The following SYNPR variants were observed in gnomAD, a reference collection of about 807,000 sequenced individuals.
The protein encoded by SYNPR is synaptoporin.
SYNPR carries 23 observed loss-of-function variants against 32.9 expected under a neutral mutation model. That is an observed-to-expected ratio of 0.70 (90% CI 0.50 to 0.99). The LOEUF (loss-of-function observed/expected upper bound fraction) is 0.99, where lower values mean the gene tolerates loss of function less well. SYNPR is among the 50% of genes least tolerant of loss of function. SYNPR has a pLI of 0.00. For missense variants in SYNPR, 318 were observed against 349.3 expected, an observed-to-expected ratio of 0.91 and a Z score of 0.71; for synonymous variants, 146 against 135.9, an observed-to-expected ratio of 1.07 and a Z score of -0.52.
In SYNPR at chr3:63,519,459, C is replaced by A. The variant is rs75194488; in HGVS notation, c.210-37084C>A. Among the ~76,000 whole-genome samples, 831 of 152,198 alleles carry A rather than the reference C, an allele frequency of 5.5e-3. 11 individuals are homozygous for A. Among genetic ancestry groups the A allele is most frequent in the East Asian group, 0.033 (170 of 5,162 alleles). On this transcript the variant is annotated intron_variant, in intron 3 of 5. Coordinates refer to ENST00000478300, the MANE Select transcript of SYNPR (RefSeq NM_001130003.2). Reference sequence around the variant, plus strand: ...GAATTCTTCTTTTGTTCCCTGAGTTCCCTTCTTCGTGAGCAGAGCAGAGCT... The same window carrying A: ...GAATTCTTCTTTTGTTCCCTGAGTTACCTTCTTCGTGAGCAGAGCAGAGCT...
chr3:63,209,664 T>A, the SYNPR span, among the ~76,000 whole-genome samples: 1 of 152,192 alleles, frequency 6.6e-6, no homozygotes, highest in Non-Finnish European at 1.5e-5. Context: ...CTATTCTCCC[T>A]CTCCCTATTT....
intron 2 of SYNPR, among the ~76,000 whole-genome samples, chr3:63,335,233 GTCC>G (rs1233864531): frequency 6.6e-6 from 1 of 151,706 alleles, no homozygotes; most frequent in Non-Finnish European, 1.5e-5. Flanking sequence ...GGTGCCTGTA[GTCC>G]CAGCTACTCG....
chr3:63,354,277 G>A (rs959757395), intron 2 of SYNPR, among the ~76,000 whole-genome samples: 5 of 152,174 alleles, frequency 3.3e-5, no homozygotes, highest in African/African-American at 1.2e-4. Context: ...GGCTGGCTCT[G>A]TAAAGCAAAC....
At chr3:63,365,438 C>G (rs1575611633) in intron 2 of SYNPR, among the ~76,000 whole-genome samples, 1 of 152,218 alleles carries the variant, frequency 6.6e-6, no homozygotes, top group East Asian at 1.9e-4. Flanking sequence ...AGCACTATTG[C>G]TATGATCTGT....
chr3:63,265,031 C>G (rs548078800), intron 2 of SYNPR, among the ~76,000 whole-genome samples: 1 of 152,146 alleles, frequency 6.6e-6, no homozygotes, highest in South Asian at 2.1e-4. Context: ...AACCATATCA[C>G]TCAGTTCTAC....
At chr3:63,204,753 G>A in the SYNPR span, among the ~76,000 whole-genome samples, 1 of 151,986 alleles carries the variant, frequency 6.6e-6, no homozygotes, top group South Asian at 2.1e-4. Flanking sequence ...GCACAGTCTA[G>A]ACTCACTGCA....
Position 63,278,425 on chromosome 3 carries a change from G to C in SYNPR, c.-109G>C, listed in dbSNP as rs1478890090. ...CCTCGCCGGGCTGCTCCAGGGTGTC[G>C]CTCCTCTGGCTGCTCCCGAAGGGGC... On this transcript the variant is annotated 5_prime_UTR_variant, in exon 1 of 6. Coordinates refer to ENST00000478300, the MANE Select transcript of SYNPR (RefSeq NM_001130003.2). 7.2e-7 allele frequency: 1 copy of C among 1,390,640 alleles called. No individual in the cohort carries two copies. The highest frequency in any genetic ancestry group is 9.6e-7 in the Non-Finnish European group (1 of 1,041,698). The allele number at this position is 1,390,640 out of a possible 1,614,324, so 86.1% of individuals were successfully genotyped here.
chr3:63,222,922 C>G, the SYNPR span, among the ~76,000 whole-genome samples: 3 of 152,092 alleles, frequency 2.0e-5, no homozygotes, highest in East Asian at 1.9e-4. Context: ...ATTTGTAACA[C>G]CCCCCAAATC....
chr3:63,240,558 G>T (rs1358808354), intron 1 of SYNPR, among the ~76,000 whole-genome samples: 2 of 152,054 alleles, frequency 1.3e-5, no homozygotes, highest in Non-Finnish European at 2.9e-5. Context: ...TATGTCTGGA[G>T]GTGGGGGAGT....
At chr3:63,515,023 G>C (rs1322057620) in intron 3 of SYNPR, among the ~76,000 whole-genome samples, 1 of 152,088 alleles carries the variant, frequency 6.6e-6, no homozygotes, top group Non-Finnish European at 1.5e-5. Flanking sequence ...AGGGTCATGG[G>C]AATTATAATA....
intron 2 of SYNPR, chr3:63,289,578 C>T (rs2086718771): frequency 1.3e-5 from 2 of 152,178 alleles, no homozygotes; most frequent in African/African-American, 4.8e-5. Flanking sequence ...TCACACACCC[C>T]TCCCCTAGGG....
chr3:63,492,942 C>T (rs1485422307), intron 3 of SYNPR, among the ~76,000 whole-genome samples: 1 of 152,092 alleles, frequency 6.6e-6, no homozygotes, highest in African/African-American at 2.4e-5. Context: ...GTGACAGCCT[C>T]GGAATGGCAG....
At chr3:63,251,853 A>G (rs1015403026) in intron 1 of SYNPR, among the ~76,000 whole-genome samples, 15 of 151,950 alleles carry the variant, frequency 9.9e-5, no homozygotes, top group African/African-American at 3.4e-4. Flanking sequence ...GACAAATGCC[A>G]TGAAGGAAAA....
chr3:63,292,408 C>A (rs948689337), intron 2 of SYNPR, among the ~76,000 whole-genome samples: 1 of 152,120 alleles, frequency 6.6e-6, no homozygotes, highest in African/African-American at 2.4e-5. Context: ...AATAAATTGT[C>A]ATTTATTATA....
chr3:63,548,751 T>C (rs1702454431), intron 3 of SYNPR, among the ~76,000 whole-genome samples: 1 of 152,134 alleles, frequency 6.6e-6, no homozygotes, highest in African/African-American at 2.4e-5. Flanking sequence ...GAATTCCAGC[T>C]ACCAGAAATT....
chr3:63,481,451 ATG>A (rs71631157), intron 3 of SYNPR, among the ~76,000 whole-genome samples: 31 of 147,196 alleles, frequency 2.1e-4, no homozygotes, highest in South Asian at 6.5e-4. Flanking sequence ...ATATATATAT[ATG>A]TGTGTGTGTG....
intron 4 of SYNPR, among the ~76,000 whole-genome samples, chr3:63,594,875 A>G (rs1699905921): frequency 6.6e-6 from 1 of 152,148 alleles, no homozygotes; most frequent in Non-Finnish European, 1.5e-5. Flanking sequence ...GGCTATGACA[A>G]TATTGAAAAT....
chr3:63,307,705 T>C (rs2086921619), intron 2 of SYNPR, among the ~76,000 whole-genome samples: 1 of 152,030 alleles, frequency 6.6e-6, no homozygotes, highest in African/African-American at 2.4e-5. Flanking sequence ...ATAATCATCC[T>C]TCAATTTACA....
intron 4 of SYNPR, among the ~76,000 whole-genome samples, chr3:63,599,040 A>G (rs1429326284): frequency 6.6e-6 from 1 of 152,184 alleles, no homozygotes; most frequent in Non-Finnish European, 1.5e-5. Flanking sequence ...GTTATCCCAT[A>G]TTCAATTTAA....
Sources: allele counts gnomAD v4.1 joint callset (sites outside exome capture counted in the v4.1 genomes callset), GRCh38; gene constraint gnomAD v4.1.1; transcripts MANE v1.5; gene names NCBI Gene and HGNC (gene_info 2026-07-23, HGNC 2026-07-21).